Variants in PTPRT observed in about 807,000 individuals in gnomAD.
PTPRT encodes the protein receptor-type tyrosine-protein phosphatase T.
In PTPRT, 56 loss-of-function variants were observed where a neutral mutation model predicts 176.8. The observed-to-expected ratio is 0.32, with a 90% confidence interval of 0.26 to 0.40. The LOEUF (loss-of-function observed/expected upper bound fraction) is 0.40, where lower values mean the gene tolerates loss of function less well. Among genes scored for constraint, PTPRT ranks in the 10% least tolerant of loss-of-function variants. The probability of loss-of-function intolerance (pLI) is 1.00; values close to 1 mark genes in which losing one functional copy is unlikely to be tolerated. For missense variants in PTPRT, 1,540 were observed against 1,908.2 expected (o/e 0.81, Z 3.60); for synonymous variants, 783 against 739.0 (o/e 1.06, Z -0.96).
intron 1 of PTPRT, among the ~76,000 whole-genome samples, chr20:42,904,808 A>C (rs530420900): frequency 4.4e-4 from 67 of 152,290 alleles, no homozygotes; most frequent in Non-Finnish European, 8.4e-4. Context: ...CAGAAACAAG[A>C]AATGGGGAAA....
chr20:43,125,434 C>A (rs2146367125), intron 1 of PTPRT, among the ~76,000 whole-genome samples: 1 of 152,222 alleles, frequency 6.6e-6, no homozygotes, highest in Non-Finnish European at 1.5e-5. Flanking sequence ...AGAAAAATCC[C>A]TGTTAATAAG....
At chr20:42,557,607 G>C (rs779967578) in intron 7 of PTPRT, among the ~76,000 whole-genome samples, 1 of 152,148 alleles carries the variant, frequency 6.6e-6, no homozygotes. Context: ...CAGGTGAGTA[G>C]AAGAGCAAAT....
At chr20:42,083,655 C>A (rs1983582027) in intron 29 of PTPRT, among the ~76,000 whole-genome samples, 1 of 152,168 alleles carries the variant, frequency 6.6e-6, no homozygotes, top group Non-Finnish European at 1.5e-5. Context: ...AGACTGACCT[C>A]AATTCTGAGG....
intron 1 of PTPRT, among the ~76,000 whole-genome samples, chr20:43,059,622 G>C (rs551746090): frequency 6.6e-6 from 1 of 152,244 alleles, no homozygotes; most frequent in Non-Finnish European, 1.5e-5. Flanking sequence ...ATTCTCTCAG[G>C]AGGTGGAGGC....
At chr20:42,206,795 A>T (rs1273501097) in intron 15 of PTPRT, among the ~76,000 whole-genome samples, 1 of 152,276 alleles carries the variant, frequency 6.6e-6, no homozygotes, top group Admixed American at 6.5e-5. Flanking sequence ...CCACCACAGC[A>T]CAAGGAGGCC....
At chr20:42,235,266 A>ATTC (rs1345019124) in intron 15 of PTPRT, among the ~76,000 whole-genome samples, 14 of 151,372 alleles carry the variant, frequency 9.2e-5, no homozygotes, top group African/African-American at 3.4e-4. Context: ...TATTATTATT[A>ATTC]TTATTATTAT....
intron 1 of PTPRT, among the ~76,000 whole-genome samples, chr20:42,935,757 T>C (rs1568688169): frequency 6.6e-6 from 1 of 152,258 alleles, no homozygotes; most frequent in South Asian, 2.1e-4. Flanking sequence ...TTCTATTCTA[T>C]TCTATTCTTA....
At chr20:42,302,024 T>C (rs1467245063) in intron 12 of PTPRT, among the ~76,000 whole-genome samples, 2 of 152,116 alleles carry the variant, frequency 1.3e-5, no homozygotes, top group Non-Finnish European at 2.9e-5. Context: ...CAATAAAAAA[T>C]TGAGACATTC....
chr20:42,263,371 C>CG (rs2056784268), intron 13 of PTPRT, among the ~76,000 whole-genome samples: 1 of 50,958 alleles, frequency 2.0e-5, no homozygotes, highest in East Asian at 4.4e-4. Flanking sequence ...CCATGCCTGG[C>CG]TTTTTTTTTT....
chr20:42,239,413 C>CTTTTTTTTTT (rs35978863), intron 14 of PTPRT, among the ~76,000 whole-genome samples: 188 of 81,222 alleles, frequency 2.3e-3, no homozygotes, highest in Non-Finnish European at 2.5e-3. Flanking sequence ...CATTTTCTTT[C>CTTTTTTTTTT]TTTTTTTTTT....
chr20:42,597,051 T>A (rs1472995266), intron 7 of PTPRT, among the ~76,000 whole-genome samples: 1 of 152,148 alleles, frequency 6.6e-6, no homozygotes, highest in Non-Finnish European at 1.5e-5. Flanking sequence ...CCGCTCAAGG[T>A]CCCACAAAGC....
At chr20:42,837,868 G>C (rs2078209777) in intron 2 of PTPRT, among the ~76,000 whole-genome samples, 2 of 152,122 alleles carry the variant, frequency 1.3e-5, no homozygotes, top group African/African-American at 4.8e-5. Context: ...GATAGGATTG[G>C]GGACTGAGGG....
chr20:43,067,212 C>T (rs2011120310), intron 1 of PTPRT, among the ~76,000 whole-genome samples: 1 of 152,034 alleles, frequency 6.6e-6, no homozygotes, highest in Admixed American at 6.6e-5. Context: ...GTGAGAGAAG[C>T]CAGACACACA....
At chr20:43,086,735 T>C (rs762523095) in intron 1 of PTPRT, among the ~76,000 whole-genome samples, 1 of 152,194 alleles carries the variant, frequency 6.6e-6, no homozygotes, top group Non-Finnish European at 1.5e-5. Flanking sequence ...GTCATATCCA[T>C]ACAAAGTTAT....
At chr20:42,084,084 T>G (rs1253764489) in intron 29 of PTPRT, among the ~76,000 whole-genome samples, 1 of 152,246 alleles carries the variant, frequency 6.6e-6, no homozygotes, top group African/African-American at 2.4e-5. Context: ...ACATACCCAA[T>G]GAACAGACGA....
intron 1 of PTPRT, among the ~76,000 whole-genome samples, chr20:43,136,122 C>G (rs1382491829): frequency 6.6e-6 from 1 of 152,182 alleles, no homozygotes; most frequent in African/African-American, 2.4e-5. Flanking sequence ...TCACCTGTTG[C>G]TATGGCTCAC....
At chr20:42,956,120 G>A (rs1168647971) in intron 1 of PTPRT, among the ~76,000 whole-genome samples, 1 of 152,190 alleles carries the variant, frequency 6.6e-6, no homozygotes, top group African/African-American at 2.4e-5. Context: ...GCTCCTCCAT[G>A]CAGTCGTTGG....
chr20:42,634,521 C>T lies in PTPRT; in HGVS notation c.1153+43345G>A, dbSNP rs147007280. 1.5e-3 allele frequency among the ~76,000 whole-genome samples: 222 copies of T among 151,988 alleles called. 1 individual carries two copies. Among genetic ancestry groups the T allele is most frequent in the Non-Finnish European group, 1.9e-3 (128 of 67,968 alleles). ...ACTTCTATTGTGTTGAATCTCTGAA[C>T]TTCAGGGTTGTTTTGCAGCACAGAC... On this transcript the variant is annotated intron_variant, in intron 7 of 30. Coordinates refer to ENST00000373187, the MANE Select transcript of PTPRT (RefSeq NM_007050.6).
chr20:42,257,575 C>G (rs1009503796), intron 13 of PTPRT, among the ~76,000 whole-genome samples: 4 of 147,552 alleles, frequency 2.7e-5, no homozygotes, highest in African/African-American at 1.0e-4. Context: ...CCCTTTGGTA[C>G]TGTCCTCATG....
Sources: gnomAD v4.1 joint callset for allele counts (sites outside exome capture counted in the v4.1 genomes callset) on GRCh38, gnomAD v4.1.1 for gene constraint, MANE v1.5 for transcripts, NCBI Gene and HGNC (gene_info 2026-07-23, HGNC 2026-07-21) for gene names.